Variants in KLHL29 observed in about 807,000 individuals in gnomAD.
KLHL29 encodes the protein kelch-like protein 29.
In KLHL29, 21 loss-of-function variants were observed where a neutral mutation model predicts 80.4. The ratio of observed to expected loss-of-function variants is 0.26; its 90% confidence interval spans 0.19 to 0.38. KLHL29 has a LOEUF of 0.38. KLHL29 is among the 10% of genes least tolerant of loss of function. KLHL29 has a pLI of 1.00. For missense variants in KLHL29, 867 were observed against 1,223.9 expected (o/e 0.71, Z 4.35); for synonymous variants, 511 against 526.8 (o/e 0.97, Z 0.41).
At chr2:23,690,505 A>T (rs946388726) in intron 6 of KLHL29, 2 of 152,168 alleles carry the variant, frequency 1.3e-5, no homozygotes, top group African/African-American at 4.8e-5. Flanking sequence ...CGCGCAAGGG[A>T]CCCGTCACAA....
intron 3 of KLHL29, among the ~76,000 whole-genome samples, chr2:23,602,522 G>A (rs1668597390): frequency 6.6e-6 from 1 of 152,194 alleles, no homozygotes; most frequent in Non-Finnish European, 1.5e-5. Flanking sequence ...CACAACAGGG[G>A]TAGGGGGTCA....
chr2:23,676,502 G>A (rs1386306630), intron 5 of KLHL29, among the ~76,000 whole-genome samples: 1 of 152,188 alleles, frequency 6.6e-6, no homozygotes, highest in East Asian at 1.9e-4. Flanking sequence ...TTTTAAGTGA[G>A]GCTTACAGCC....
chr2:23,624,552 C>T (rs149966471), intron 3 of KLHL29, among the ~76,000 whole-genome samples: 5 of 152,286 alleles, frequency 3.3e-5, no homozygotes, highest in Non-Finnish European at 4.4e-5. Flanking sequence ...TCAGACCACC[C>T]GCCACCAGAG....
intron 3 of KLHL29, among the ~76,000 whole-genome samples, chr2:23,607,091 C>T (rs1331853852): frequency 6.6e-6 from 1 of 152,358 alleles, no homozygotes; most frequent in African/African-American, 2.4e-5. Flanking sequence ...AATCACTTCC[C>T]TAAGGCTTCC....
intron 1 of KLHL29, among the ~76,000 whole-genome samples, chr2:23,441,419 T>C (rs1262540180): frequency 6.6e-6 from 1 of 151,884 alleles, no homozygotes; most frequent in African/African-American, 2.4e-5. Context: ...GCATGGCACA[T>C]GTATACATAT....
intron 1 of KLHL29, among the ~76,000 whole-genome samples, chr2:23,408,191 C>A (rs2103393101): frequency 7.7e-6 from 1 of 129,904 alleles, no homozygotes; most frequent in Non-Finnish European, 1.6e-5. Flanking sequence ...ATTATTATTT[C>A]CCAAAATATT....
At chr2:23,532,517 G>A (rs887652568) in intron 2 of KLHL29, 29 of 454,724 alleles carry the variant, frequency 6.4e-5, no homozygotes, top group African/African-American at 4.2e-4. Flanking sequence ...GATGTGCATC[G>A]CCAAGGTTAG....
intron 11 of KLHL29, among the ~76,000 whole-genome samples, chr2:23,702,431 T>TA (rs1463460007): frequency 6.6e-6 from 1 of 152,168 alleles, no homozygotes; most frequent in African/African-American, 2.4e-5. Context: ...TGCAATCATT[T>TA]TGCACCATGA....
At chr2:23,646,119 A>G (rs899052252) in intron 5 of KLHL29, among the ~76,000 whole-genome samples, 5 of 152,200 alleles carry the variant, frequency 3.3e-5, no homozygotes, top group Non-Finnish European at 7.3e-5. Flanking sequence ...TAAGGGAGGA[A>G]AAAAGAATTC....
chr2:23,536,932 TCTCTCG>T (rs1430915090), intron 2 of KLHL29, among the ~76,000 whole-genome samples: 114 of 148,952 alleles, frequency 7.7e-4, no homozygotes, highest in African/African-American at 2.7e-3. Flanking sequence ...TCTCTCTCCC[TCTCTCG>T]CTCTCTCTCT....
chr2:23,613,634 C>T (rs1371823551), intron 3 of KLHL29, among the ~76,000 whole-genome samples: 2 of 151,554 alleles, frequency 1.3e-5, no homozygotes, highest in Admixed American at 6.6e-5. Flanking sequence ...GGTGGTGGCA[C>T]GCGCCTGTAA....
intron 2 of KLHL29, among the ~76,000 whole-genome samples, chr2:23,484,718 C>T (rs923677616): frequency 6.6e-6 from 1 of 152,224 alleles, no homozygotes; most frequent in African/African-American, 2.4e-5. Flanking sequence ...GAAATGCATT[C>T]GCGGTGCTCT....
intron 5 of KLHL29, among the ~76,000 whole-genome samples, chr2:23,659,825 C>T (rs1164604180): frequency 6.6e-6 from 1 of 152,064 alleles, no homozygotes; most frequent in Non-Finnish European, 1.5e-5. Flanking sequence ...TCCCTCCCAC[C>T]CCTCAGGGTT....
chr2:23,468,573 T>A (rs917672357), intron 1 of KLHL29, among the ~76,000 whole-genome samples: 2 of 152,168 alleles, frequency 1.3e-5, no homozygotes, highest in Non-Finnish European at 2.9e-5. Flanking sequence ...TCAGCAGCTA[T>A]ATCTGTGGAC....
intron 1 of KLHL29, among the ~76,000 whole-genome samples, chr2:23,451,982 G>C (rs900793155): frequency 6.6e-6 from 1 of 151,996 alleles, no homozygotes; most frequent in Non-Finnish European, 1.5e-5. Context: ...CATGACGAGA[G>C]GGGGAGCAAG....
chr2:23,405,757 G>T (rs1328724555), intron 1 of KLHL29, among the ~76,000 whole-genome samples: 1 of 152,204 alleles, frequency 6.6e-6, no homozygotes, highest in Non-Finnish European at 1.5e-5. Flanking sequence ...CAATGCCGTT[G>T]TGAGAGTTTC....
At chr2:23,434,053 G>A (rs1663263904) in intron 1 of KLHL29, among the ~76,000 whole-genome samples, 1 of 151,880 alleles carries the variant, frequency 6.6e-6, no homozygotes, top group African/African-American at 2.4e-5. Context: ...CGGGCGCGGT[G>A]GCTCACGCCT....
chr2:23,588,982 C>T (rs940426336), intron 3 of KLHL29, among the ~76,000 whole-genome samples: 3 of 152,384 alleles, frequency 2.0e-5, no homozygotes, highest in East Asian at 3.9e-4. Flanking sequence ...GCCTCACTCA[C>T]GCGTCACACC....
At chr2:23,435,827 G>T (rs1663323443) in intron 1 of KLHL29, among the ~76,000 whole-genome samples, 1 of 151,690 alleles carries the variant, frequency 6.6e-6, no homozygotes, top group Non-Finnish European at 1.5e-5. Context: ...GGAACCCTTT[G>T]CCCCAGCAAT....
Sources: allele counts gnomAD v4.1 joint callset (sites outside exome capture counted in the v4.1 genomes callset), GRCh38; gene constraint gnomAD v4.1.1; transcripts MANE v1.5; gene names NCBI Gene and HGNC (gene_info 2026-07-23, HGNC 2026-07-21).